SNX27: variants seen among roughly 807,000 people sequenced by gnomAD.
The protein encoded by SNX27 is sorting nexin 27, also known as sorting nexin-27.
Under a neutral mutation model 71.6 loss-of-function variants are expected in SNX27, and 22 were observed. The observed-to-expected ratio is 0.31, with a 90% CI of 0.22 to 0.44. The LOEUF is 0.44. Ranked by LOEUF, SNX27 falls within the 20% of genes least tolerant of loss-of-function variation. The pLI is 1.00. For synonymous variants in SNX27, 269 were observed against 277.2 expected, an observed-to-expected ratio of 0.97 and a Z score of 0.29; for missense variants, 531 against 698.6, an observed-to-expected ratio of 0.76 and a Z score of 2.70.
chr1:151,627,632 T>C (rs1668005095), intron 1 of SNX27, among the ~76,000 whole-genome samples: 1 of 152,214 alleles, frequency 6.6e-6, no homozygotes, highest in Non-Finnish European at 1.5e-5. Context: ...TTCGCCATGA[T>C]GCCCAGGCTG....
intron 2 of SNX27, among the ~76,000 whole-genome samples, chr1:151,643,558 G>C (rs1362977007): frequency 6.6e-6 from 1 of 151,890 alleles, no homozygotes; most frequent in Non-Finnish European, 1.5e-5. Flanking sequence ...CTCCCAAAGT[G>C]CTGAGATTAC....
intron 3 of SNX27, 147 bp from the exon 4 acceptor site, chr1:151,660,651 C>CCA (rs35898674): frequency 0.021 from 13,201 of 619,882 alleles, 196 homozygotes; most frequent in Non-Finnish European, 0.028. Context: ...ATCTTATATA[C>CCA]CAGACATGGT....
chr1:151,649,242 G>C (rs1201338665), intron 2 of SNX27, among the ~76,000 whole-genome samples: 1 of 152,086 alleles, frequency 6.6e-6, no homozygotes, highest in Admixed American at 6.5e-5. Context: ...TTACAGACGT[G>C]AGCCACTGTG....
chr1:151,649,462 A>G (rs1211854906), intron 2 of SNX27, among the ~76,000 whole-genome samples: 1 of 152,080 alleles, frequency 6.6e-6, no homozygotes, highest in Non-Finnish European at 1.5e-5. Flanking sequence ...CAATGCTGGT[A>G]GTCCCACTTA....
At chr1:151,614,429 T>G (rs559231305) in intron 1 of SNX27, 48 of 152,464 alleles carry the variant, frequency 3.1e-4, no homozygotes, top group African/African-American at 1.2e-3. Flanking sequence ...GTTCAAGCGA[T>G]TCTCCTGCCT....
intron 11 of SNX27, 195 bp from the exon 12 acceptor site, chr1:151,694,175 T>C (rs1671593561): frequency 7.4e-7 from 1 of 1,353,142 alleles, no homozygotes; most frequent in African/African-American, 1.5e-5. Flanking sequence ...ACAGGAAGAC[T>C]GAACCACGTA....
intron 7 of SNX27, among the ~76,000 whole-genome samples, chr1:151,682,225 A>T (rs902298238): frequency 2.6e-5 from 4 of 152,268 alleles, no homozygotes; most frequent in Non-Finnish European, 5.9e-5. Flanking sequence ...TATTCCAATA[A>T]GTATACCTGT....
intron 1 of SNX27, among the ~76,000 whole-genome samples, chr1:151,618,496 A>C (rs1213984151): frequency 6.6e-6 from 1 of 152,214 alleles, no homozygotes; most frequent in Non-Finnish European, 1.5e-5. Flanking sequence ...AATATATTTT[A>C]TTAGTAGCAT....
chr1:151,659,563 T>C (rs1384531651), intron 3 of SNX27: 1 of 152,294 alleles, frequency 6.6e-6, no homozygotes, highest in Non-Finnish European at 1.5e-5. Context: ...TGAAATTTCC[T>C]TGTTATCTCA....
chr1:151,657,462 G>A (rs1669748717), intron 2 of SNX27, among the ~76,000 whole-genome samples: 1 of 152,088 alleles, frequency 6.6e-6, no homozygotes, highest in Non-Finnish European at 1.5e-5. Flanking sequence ...GTGAGCCACC[G>A]TGCCCAGGCC....
intron 1 of SNX27, among the ~76,000 whole-genome samples, chr1:151,629,029 TG>T (rs959569620): frequency 1.3e-5 from 2 of 152,200 alleles, no homozygotes; most frequent in Non-Finnish European, 2.9e-5. Flanking sequence ...TCATGCTTTT[TG>T]GTGTTGTAGC....
In SNX27 at chr1:151,642,026, G is replaced by GAT. The variant is rs199834279; in HGVS notation, c.543+2918_543+2919dup. On this transcript the variant is annotated intron_variant, in intron 2 of 11. Coordinates refer to ENST00000458013, the MANE Select transcript of SNX27 (RefSeq NM_001330723.2). Reference sequence around the variant, plus strand: ...ATATATCAGATATAGATATATATGAGATATATATATATCAGATATATATGA... The same window carrying GAT: ...ATATATCAGATATAGATATATATGAGATATATATATATATCAGATATATATGA... Among the ~76,000 whole-genome samples, 195 of 144,386 alleles carry GAT rather than the reference G, an allele frequency of 1.4e-3. 7 individuals are homozygous for GAT. Among genetic ancestry groups the GAT allele is most frequent in the Admixed American group, 0.013 (183 of 14,044 alleles). The allele number at this position is 144,386 out of a possible 152,430, so 94.7% of individuals were successfully genotyped here. A position where few individuals can be genotyped will look rare whatever the true frequency, so the allele number is the denominator to read the frequency against.
intron 8 of SNX27, among the ~76,000 whole-genome samples, chr1:151,685,149 G>A (rs1671135547): frequency 6.6e-6 from 1 of 151,912 alleles, no homozygotes; most frequent in South Asian, 2.1e-4. Flanking sequence ...TGAGGTACTT[G>A]TAAAGACAGC....
At chr1:151,686,930 A>G (rs1671210462) in intron 8 of SNX27, among the ~76,000 whole-genome samples, 1 of 152,230 alleles carries the variant, frequency 6.6e-6, no homozygotes, top group Non-Finnish European at 1.5e-5. Context: ...TGGAAGATAA[A>G]TAAGCTTTGT....
At chr1:151,648,299 C>G (rs1193993413) in intron 2 of SNX27, among the ~76,000 whole-genome samples, 1 of 152,194 alleles carries the variant, frequency 6.6e-6, no homozygotes, top group South Asian at 2.1e-4. Context: ...AAGTGATCCG[C>G]CAGCCTTGGC....
chr1:151,687,838 C>T (rs1187962659), intron 8 of SNX27, among the ~76,000 whole-genome samples: 3 of 151,832 alleles, frequency 2.0e-5, no homozygotes, highest in African/African-American at 4.8e-5. Flanking sequence ...GTCCCAGCTA[C>T]TCAGGAGACT....
rs1046010769 is a variant in SNX27 at position 151,696,111 on chromosome 1, G to C, written c.*1694G>C. On this transcript the variant is annotated 3_prime_UTR_variant, in exon 12 of 12. Coordinates refer to ENST00000458013, the MANE Select transcript of SNX27 (RefSeq NM_001330723.2). Reference sequence around the variant, plus strand: ...ACGAAAACCTTTCTGCTTTCTGTCCGTTAAAGAGCTCCTCATCTGATCTTG... The same window carrying C: ...ACGAAAACCTTTCTGCTTTCTGTCCCTTAAAGAGCTCCTCATCTGATCTTG... 8 of 152,186 alleles carry C rather than the reference G, an allele frequency of 5.3e-5. No homozygotes were observed. Among genetic ancestry groups the C allele is most frequent in the Admixed American group, 5.2e-4 (8 of 15,280 alleles). The allele number at this position is 152,186 out of a possible 1,614,324, so 9.4% of individuals were successfully genotyped here.
At chr1:151,637,345 A>G (rs1204517194) in intron 1 of SNX27, among the ~76,000 whole-genome samples, 1 of 151,622 alleles carries the variant, frequency 6.6e-6, no homozygotes, top group African/African-American at 2.4e-5. Flanking sequence ...TGCCCGGCTA[A>G]TTTTTTGTAT....
intron 2 of SNX27, among the ~76,000 whole-genome samples, chr1:151,650,284 C>T (rs1457194367): frequency 6.6e-6 from 1 of 152,176 alleles, no homozygotes; most frequent in Non-Finnish European, 1.5e-5. Flanking sequence ...TCCTCAGACT[C>T]CCAAAGCACT....
Sources: gnomAD v4.1 joint callset for allele counts (sites outside exome capture counted in the v4.1 genomes callset) on GRCh38, gnomAD v4.1.1 for gene constraint, MANE v1.5 for transcripts, NCBI Gene and HGNC (gene_info 2026-07-23, HGNC 2026-07-21) for gene names.